The following GABRB2 variants were observed in gnomAD, a reference collection of about 807,000 sequenced individuals.
GABRB2 encodes gamma-aminobutyric acid receptor subunit beta-2.
In GABRB2, 16 loss-of-function variants were observed where a neutral mutation model predicts 54.7. The observed-to-expected ratio is 0.29, with a 90% CI of 0.20 to 0.44. The LOEUF is 0.44. Ranked by LOEUF, GABRB2 falls within the 20% of genes least tolerant of loss-of-function variation. The pLI is 1.00. For missense variants in GABRB2, 355 were observed against 644.0 expected (o/e 0.55, Z 4.86); for synonymous variants, 244 against 233.8 (o/e 1.04, Z -0.40).
chr5:161,420,510 T>C (rs1053106727), intron 4 of GABRB2, among the ~76,000 whole-genome samples: 1 of 151,880 alleles, frequency 6.6e-6, no homozygotes, highest in Non-Finnish European at 1.5e-5. Flanking sequence ...CAATGGGGAG[T>C]AGAGCAGGAG....
intron 5 of GABRB2, among the ~76,000 whole-genome samples, chr5:161,410,719 G>C (rs973634589): frequency 6.6e-6 from 1 of 152,152 alleles, no homozygotes; most frequent in Non-Finnish European, 1.5e-5. Flanking sequence ...CTTCCAGGCT[G>C]TTAGCATATT....
intron 3 of GABRB2, among the ~76,000 whole-genome samples, chr5:161,505,103 CCTTTT>C (rs1188658169): frequency 2.0e-5 from 3 of 150,480 alleles, no homozygotes; most frequent in African/African-American, 4.9e-5. Flanking sequence ...TTTCTTTTTT[CCTTTT>C]CTTTTTTTTT....
intron 3 of GABRB2, among the ~76,000 whole-genome samples, chr5:161,486,272 A>G (rs1195016086): frequency 6.6e-6 from 1 of 151,952 alleles, no homozygotes; most frequent in Non-Finnish European, 1.5e-5. Context: ...TCCACCCTGT[A>G]CCAGATCACT....
upstream of GABRB2, chr5:161,546,756 C>T: frequency 6.7e-7 from 1 of 1,484,136 alleles, no homozygotes; most frequent in Non-Finnish European, 9.0e-7. Context: ...ACCAAAACAT[C>T]AAAGGGGAAG....
chr5:161,456,243 G>A (rs1757952730), intron 4 of GABRB2, among the ~76,000 whole-genome samples: 1 of 151,926 alleles, frequency 6.6e-6, no homozygotes, highest in Non-Finnish European at 1.5e-5. Context: ...AGTAAATTTT[G>A]CCACTGCCAA....
chr5:161,294,901 C>G (rs1165072845), intron 9 of GABRB2, among the ~76,000 whole-genome samples: 1 of 152,130 alleles, frequency 6.6e-6, no homozygotes, highest in Non-Finnish European at 1.5e-5. Flanking sequence ...TAGTGGGTAA[C>G]TATCAAGTAC....
At chr5:161,538,103 G>A (rs1033467779) in intron 3 of GABRB2, among the ~76,000 whole-genome samples, 3 of 151,918 alleles carry the variant, frequency 2.0e-5, no homozygotes, top group Admixed American at 6.6e-5. Flanking sequence ...GTTCCAAATG[G>A]TGAATGCCTG....
intron 5 of GABRB2, among the ~76,000 whole-genome samples, chr5:161,371,394 T>G (rs1755129122): frequency 6.6e-6 from 1 of 152,186 alleles, no homozygotes; most frequent in African/African-American, 2.4e-5. Flanking sequence ...AATATGTATC[T>G]AAGGAGAAGA....
At chr5:161,449,701 T>C (rs1019668775) in intron 4 of GABRB2, among the ~76,000 whole-genome samples, 3 of 152,114 alleles carry the variant, frequency 2.0e-5, no homozygotes, top group Non-Finnish European at 2.9e-5. Flanking sequence ...GTGTGTGTAC[T>C]ACACATATAC....
At chr5:161,469,197 T>C (rs568644603) in intron 3 of GABRB2, among the ~76,000 whole-genome samples, 2 of 151,984 alleles carry the variant, frequency 1.3e-5, no homozygotes, top group South Asian at 4.2e-4. Context: ...ATAACAAAAC[T>C]AAACAAGTAA....
chr5:161,295,483 TAATC>T (rs1757357412), intron 9 of GABRB2, among the ~76,000 whole-genome samples: 1 of 152,114 alleles, frequency 6.6e-6, no homozygotes, highest in Admixed American at 6.5e-5. Flanking sequence ...TTTTGGTAGA[TAATC>T]AAGATATACC....
At chr5:161,311,636 T>G (rs1040864106) in intron 9 of GABRB2, among the ~76,000 whole-genome samples, 13 of 151,974 alleles carry the variant, frequency 8.6e-5, no homozygotes, top group Non-Finnish European at 1.2e-4. Flanking sequence ...CCAAGAGATA[T>G]TCTGAGTTGG....
intron 4 of GABRB2, among the ~76,000 whole-genome samples, chr5:161,455,220 G>A (rs1757914761): frequency 6.6e-6 from 1 of 150,552 alleles, no homozygotes; most frequent in African/African-American, 2.5e-5. Flanking sequence ...TGCTTTTGCA[G>A]AAAGAAAATT....
chr5:161,360,734 G>A (rs1449802394), intron 5 of GABRB2, among the ~76,000 whole-genome samples: 1 of 152,114 alleles, frequency 6.6e-6, no homozygotes, highest in African/African-American at 2.4e-5. Context: ...CAAAAAGAGA[G>A]GCAATTAAAT....
intron 3 of GABRB2, among the ~76,000 whole-genome samples, chr5:161,466,921 G>A (rs188638344): frequency 1.3e-5 from 2 of 152,066 alleles, no homozygotes; most frequent in African/African-American, 4.8e-5. Flanking sequence ...ATAAAATTAT[G>A]TATTTTTCCC....
intron 5 of GABRB2, among the ~76,000 whole-genome samples, chr5:161,361,383 G>A (rs1018061942): frequency 6.6e-6 from 1 of 151,768 alleles, no homozygotes; most frequent in Non-Finnish European, 1.5e-5. Context: ...TTATCTTTTG[G>A]TGTTACAAAA....
At chr5:161,325,754 A>G (rs2113388112) in intron 9 of GABRB2, among the ~76,000 whole-genome samples, 1 of 152,242 alleles carries the variant, frequency 6.6e-6, no homozygotes, top group East Asian at 1.9e-4. Flanking sequence ...CAGAAACTAA[A>G]CTATGAGTCA....
intron 9 of GABRB2, among the ~76,000 whole-genome samples, chr5:161,304,516 T>A (rs1757625014): frequency 6.6e-6 from 1 of 152,190 alleles, no homozygotes; most frequent in South Asian, 2.1e-4. Flanking sequence ...ACCCTTTGGA[T>A]TAGAAATTCT....
chr5:161,388,081 G>T lies in GABRB2; in HGVS notation c.541+22894C>A, dbSNP rs1010826538. 2.6e-5 allele frequency among the ~76,000 whole-genome samples: 4 copies of T among 152,074 alleles called. No homozygotes were observed. In the East Asian group the frequency reaches 7.7e-4, roughly 29 times the overall value. The stretch of plus-strand genomic sequence containing the variant: ...ATCTTTCAATTCCAAGTTGCTCTTA[G>T]TTCACTTGAAGTAAATTTGCTGACT... On this transcript the variant is annotated intron_variant, in intron 5 of 9. Transcript: ENST00000393959.
Sources: allele counts gnomAD v4.1 joint callset (sites outside exome capture counted in the v4.1 genomes callset), GRCh38; gene constraint gnomAD v4.1.1; transcripts MANE v1.5; gene names NCBI Gene and HGNC (gene_info 2026-07-23, HGNC 2026-07-21).